CNTN5: variants seen among roughly 807,000 people sequenced by gnomAD.
CNTN5 encodes the protein contactin-5.
CNTN5 carries 77 observed loss-of-function variants against 129.1 expected under a neutral mutation model. The observed-to-expected ratio is 0.60, with a 90% CI of 0.50 to 0.72. The LOEUF (loss-of-function observed/expected upper bound fraction) is 0.72, where lower values mean the gene tolerates loss of function less well. Among genes scored for constraint, CNTN5 ranks in the 30% least tolerant of loss-of-function variants. CNTN5 has a pLI of 0.00. For synonymous variants in CNTN5, 509 were observed against 465.6 expected, an observed-to-expected ratio of 1.09 and a Z score of -1.20; for missense variants, 1,478 against 1,328.8, an observed-to-expected ratio of 1.11 and a Z score of -1.75.
chr11:99,173,865 G>A (rs895916704), intron 1 of CNTN5, among the ~76,000 whole-genome samples: 8 of 152,160 alleles, frequency 5.3e-5, no homozygotes, highest in Admixed American at 5.2e-4. Context: ...CCAGACAAGA[G>A]AGATGGTAGC....
At position 99,236,439 on chromosome 11, in the gene CNTN5, T is replaced by A. The variant is rs554101741; in HGVS notation, c.-209-88907T>A. Among the ~76,000 whole-genome samples, 204 of 147,918 alleles carry A rather than the reference T, an allele frequency of 1.4e-3. 1 individual carries two copies. Among genetic ancestry groups the A allele is most frequent in the African/African-American group, 4.8e-3 (190 of 39,986 alleles). On this transcript the variant is annotated intron_variant, in intron 1 of 24. Transcript: ENST00000524871. ...TAATTTTAATAATATTCACAAATCTTAGCAAACATTCTACACACACTCACA... is the reference window on the plus strand; with the variant it reads ...TAATTTTAATAATATTCACAAATCTAAGCAAACATTCTACACACACTCACA...
At chr11:99,388,189 G>A (rs1941029784) in intron 2 of CNTN5, among the ~76,000 whole-genome samples, 1 of 151,914 alleles carries the variant, frequency 6.6e-6, no homozygotes, top group South Asian at 2.1e-4. Flanking sequence ...GCCGAGGCGG[G>A]CAGATCACCT....
intron 3 of CNTN5, among the ~76,000 whole-genome samples, chr11:99,715,775 T>C (rs1422157765): frequency 6.6e-6 from 1 of 152,016 alleles, no homozygotes; most frequent in Non-Finnish European, 1.5e-5. Flanking sequence ...TATACTTGAC[T>C]CATGATCTCT....
Position 99,853,456 on chromosome 11 carries a change from A to G in CNTN5, c.577+8194A>G, listed in dbSNP as rs377147534. 1.7e-3 allele frequency among the ~76,000 whole-genome samples: 256 copies of G among 151,996 alleles called. 1 individual carries two copies. The highest frequency in any genetic ancestry group is 6.6e-3 in the East Asian group (34 of 5,176). On this transcript the variant is annotated intron_variant, in intron 6 of 24. Coordinates refer to ENST00000524871, the MANE Select transcript of CNTN5 (RefSeq NM_014361.4). ...CTCTTGTTACCGAGGCTGGAGCACA[A>G]TGGTGCATTCTCGGCTCACTGCAAC... is the stretch of plus-strand genomic sequence containing the variant.
chr11:99,790,805 C>T (rs1591185165), intron 3 of CNTN5, among the ~76,000 whole-genome samples: 1 of 152,056 alleles, frequency 6.6e-6, no homozygotes, highest in African/African-American at 2.4e-5. Context: ...ATAAGCCATC[C>T]CTTTTTCTGC....
intron 3 of CNTN5, among the ~76,000 whole-genome samples, chr11:99,628,062 T>C (rs1384319210): frequency 6.6e-6 from 1 of 151,798 alleles, no homozygotes; most frequent in African/African-American, 2.4e-5. Flanking sequence ...GGCAAAAGTC[T>C]TAATGTATTC....
At chr11:100,215,887 G>T (rs187039542) in intron 15 of CNTN5, among the ~76,000 whole-genome samples, 2 of 152,266 alleles carry the variant, frequency 1.3e-5, no homozygotes, top group African/African-American at 2.4e-5. Context: ...AGAAATGGAA[G>T]TAGAATGAAC....
chr11:99,889,297 TG>T (rs1948984739), intron 6 of CNTN5, among the ~76,000 whole-genome samples: 1 of 8,344 alleles, frequency 1.2e-4, no homozygotes, highest in African/African-American at 2.7e-4. Context: ...AGCAGGTGTG[TG>T]TGTGTGTGTG....
chr11:99,809,744 A>G (rs1946375158), intron 3 of CNTN5, among the ~76,000 whole-genome samples: 2 of 152,264 alleles, frequency 1.3e-5, no homozygotes, highest in South Asian at 4.1e-4. Flanking sequence ...TAAAATTGGG[A>G]GGAAATACAT....
intron 2 of CNTN5, among the ~76,000 whole-genome samples, chr11:99,501,862 A>T (rs1376038735): frequency 1.3e-5 from 2 of 152,320 alleles, no homozygotes; most frequent in East Asian, 1.9e-4. Flanking sequence ...ATTTGATTTT[A>T]AAAATGTGGA....
intron 3 of CNTN5, among the ~76,000 whole-genome samples, chr11:99,748,462 A>G (rs1944129478): frequency 6.6e-6 from 1 of 151,888 alleles, no homozygotes; most frequent in Non-Finnish European, 1.5e-5. Flanking sequence ...GGGGATTTAT[A>G]ATAAGAATTA....
At chr11:100,024,435 T>A (rs577532667) in intron 9 of CNTN5, among the ~76,000 whole-genome samples, 2 of 151,910 alleles carry the variant, frequency 1.3e-5, no homozygotes, top group African/African-American at 4.8e-5. Flanking sequence ...GTACTGGGAG[T>A]GGGGCACTGC....
At chr11:100,054,155 G>T (rs189174187) in intron 9 of CNTN5, among the ~76,000 whole-genome samples, 1 of 151,722 alleles carries the variant, frequency 6.6e-6, no homozygotes, top group East Asian at 1.9e-4. Flanking sequence ...AAAGGCAAGG[G>T]TCCAAGAGTG....
At chr11:99,101,208 C>T (rs1017200658) in intron 1 of CNTN5, among the ~76,000 whole-genome samples, 2 of 152,124 alleles carry the variant, frequency 1.3e-5, no homozygotes, top group Non-Finnish European at 2.9e-5. Context: ...GAAACCACCC[C>T]CATGATTCAG....
At chr11:100,178,879 ATCCCAAAGAT>A (rs572300060) in intron 13 of CNTN5, among the ~76,000 whole-genome samples, 42 of 152,298 alleles carry the variant, frequency 2.8e-4, no homozygotes, top group African/African-American at 9.9e-4. Context: ...AATGGGTGGC[ATCCCAAAGAT>A]TCAACGTCAC....
intron 2 of CNTN5, among the ~76,000 whole-genome samples, chr11:99,393,227 T>C (rs1005764529): frequency 7.9e-5 from 12 of 151,778 alleles, no homozygotes; most frequent in Admixed American, 2.0e-4. Context: ...CAAACTCAGG[T>C]TACAGGAAGA....
intron 15 of CNTN5, among the ~76,000 whole-genome samples, chr11:100,206,868 AAT>A (rs1948924645): frequency 6.6e-6 from 1 of 152,016 alleles, no homozygotes; most frequent in African/African-American, 2.4e-5. Flanking sequence ...TGCTAAACAA[AAT>A]ATATATTAAA....
intron 8 of CNTN5, among the ~76,000 whole-genome samples, chr11:99,970,044 T>A (rs1951207059): frequency 6.6e-6 from 1 of 152,190 alleles, no homozygotes; most frequent in African/African-American, 2.4e-5. Context: ...ACATAAACAT[T>A]TCTGGGTCAA....
At chr11:100,286,163 G>A (rs1272137343) in intron 18 of CNTN5, among the ~76,000 whole-genome samples, 1 of 152,032 alleles carries the variant, frequency 6.6e-6, no homozygotes, top group African/African-American at 2.4e-5. Flanking sequence ...CTGCAAGGTG[G>A]CAGCCAGGCT....
Sources: gnomAD v4.1 joint callset for allele counts (sites outside exome capture counted in the v4.1 genomes callset) on GRCh38, gnomAD v4.1.1 for gene constraint, MANE v1.5 for transcripts, NCBI Gene and HGNC (gene_info 2026-07-23, HGNC 2026-07-21) for gene names.